Variants in CCDC3 observed in about 807,000 individuals in gnomAD.
CCDC3 encodes coiled-coil domain containing 3.
Under a neutral mutation model 21.4 loss-of-function variants are expected in CCDC3, and 24 were observed. The ratio of observed to expected loss-of-function variants is 1.12; its 90% CI spans 0.81 to 1.58. CCDC3 has a LOEUF of 1.58. Among genes scored for constraint, CCDC3 ranks in the 40% most tolerant of loss-of-function variants. The pLI is 0.00. For synonymous variants in CCDC3, 186 were observed against 166.0 expected (o/e 1.12, Z -0.93); for missense variants, 425 against 360.9 (o/e 1.18, Z -1.44).
At chr10:13,064,608 C>G (rs1423983797) in intron 4 of CCDC3, among the ~76,000 whole-genome samples, 1 of 152,008 alleles carries the variant, frequency 6.6e-6, no homozygotes, top group Non-Finnish European at 1.5e-5. Flanking sequence ...CATGATGAAA[C>G]CCCATCTCTA....
chr10:12,974,930 G>A (rs890547776), intron 2 of CCDC3, among the ~76,000 whole-genome samples: 1 of 152,148 alleles, frequency 6.6e-6, no homozygotes. Context: ...ACAGTACCTG[G>A]TGTTTTCTAC....
At chr10:13,068,129 A>G (rs2131437835) in intron 4 of CCDC3, among the ~76,000 whole-genome samples, 1 of 152,208 alleles carries the variant, frequency 6.6e-6, no homozygotes, top group South Asian at 2.1e-4. Flanking sequence ...TTCTCATGGA[A>G]CCCCGGGAAT....
intron 2 of CCDC3, among the ~76,000 whole-genome samples, chr10:12,925,944 C>T (rs182899944): frequency 2.6e-4 from 39 of 152,310 alleles, no homozygotes; most frequent in South Asian, 4.2e-4. Flanking sequence ...TGGCACAGGC[C>T]CTGGGAGGCT....
intron 2 of CCDC3, among the ~76,000 whole-genome samples, chr10:12,913,987 G>A (rs190040762): frequency 6.6e-6 from 1 of 152,118 alleles, no homozygotes; most frequent in Non-Finnish European, 1.5e-5. Flanking sequence ...CAGTTTACTA[G>A]TATTTTCTTG....
intron 2 of CCDC3, among the ~76,000 whole-genome samples, chr10:12,916,549 G>C (rs975537248): frequency 1.3e-5 from 2 of 150,692 alleles, no homozygotes; most frequent in African/African-American, 2.5e-5. Flanking sequence ...GAACCTGGGA[G>C]GCAGAGGTTG....
At chr10:13,033,808 G>C (rs1269407129) in intron 5 of CCDC3, among the ~76,000 whole-genome samples, 2 of 152,196 alleles carry the variant, frequency 1.3e-5, no homozygotes, top group East Asian at 1.9e-4. Context: ...TCTCACACCA[G>C]TTAGAATGGC....
rs1454060587 is a variant in CCDC3, at chr10:12,917,193, T to C, written c.550-18514A>G. Reference sequence around the variant, plus strand: ...TTATTTCTTCTTCTTTTTTTTTTTTTTTTTTTTTTTTTTTTTTTTTGAGAC... The same window carrying C: ...TTATTTCTTCTTCTTTTTTTTTTTTCTTTTTTTTTTTTTTTTTTTTGAGAC... On this transcript the variant is annotated intron_variant, in intron 2 of 2. Transcript: ENST00000378825. Among the ~76,000 whole-genome samples, 862 of 124,356 alleles carry C rather than the reference T, an allele frequency of 6.9e-3. 30 individuals are homozygous for C. Among genetic ancestry groups the C allele is most frequent in the East Asian group, 0.029 (122 of 4,218 alleles). 81.6% of individuals were successfully genotyped at this position (124,356 alleles called of 152,430 possible). A position where few individuals can be genotyped will look rare whatever the true frequency, so the allele number is the denominator to read the frequency against.
chr10:13,078,790 C>T (rs1836996918), intron 3 of CCDC3, among the ~76,000 whole-genome samples: 1 of 147,358 alleles, frequency 6.8e-6, no homozygotes, highest in Non-Finnish European at 1.5e-5. Context: ...TGTTCTCACT[C>T]ATAGGTGGGA....
intron 2 of CCDC3, among the ~76,000 whole-genome samples, chr10:12,977,866 T>C (rs1835439094): frequency 6.6e-6 from 1 of 152,176 alleles, no homozygotes; most frequent in African/African-American, 2.4e-5. Flanking sequence ...AAGACATCCC[T>C]GGGATCCACA....
intron 2 of CCDC3, among the ~76,000 whole-genome samples, chr10:12,903,442 C>A (rs75350309): frequency 1.3e-5 from 2 of 152,204 alleles, no homozygotes; most frequent in African/African-American, 4.8e-5. Context: ...GGTCCAGATA[C>A]GCTATTTGCT....
At chr10:13,002,507 A>C (rs190216423), upstream of CCDC3, among the ~76,000 whole-genome samples, 15 of 152,240 alleles carry the variant, frequency 9.9e-5, no homozygotes, top group East Asian at 2.5e-3. Flanking sequence ...CTCCCAGGTC[A>C]GTCTCCCAAG....
At chr10:12,956,824 C>T (rs1188684643) in intron 2 of CCDC3, among the ~76,000 whole-genome samples, 4 of 152,266 alleles carry the variant, frequency 2.6e-5, no homozygotes, top group African/African-American at 9.6e-5. Flanking sequence ...ATCCTAGCAG[C>T]CTCAGGTCAT....
chr10:12,945,602 C>T (rs1564293892), intron 2 of CCDC3, among the ~76,000 whole-genome samples: 1 of 152,138 alleles, frequency 6.6e-6, no homozygotes, highest in African/African-American at 2.4e-5. Flanking sequence ...ATGTGGTCCT[C>T]TGTGTTAAAA....
intron 2 of CCDC3, among the ~76,000 whole-genome samples, chr10:12,922,693 T>A (rs967352832): frequency 3.3e-5 from 5 of 151,950 alleles, no homozygotes; most frequent in Non-Finnish European, 7.4e-5. Context: ...GAACCCAGGA[T>A]GTTTATGTTT....
At chr10:12,919,527 T>G (rs1589005119) in intron 2 of CCDC3, among the ~76,000 whole-genome samples, 1 of 151,204 alleles carries the variant, frequency 6.6e-6, no homozygotes, top group Non-Finnish European at 1.5e-5. Context: ...GAGGCAGGGT[T>G]TGCAGTGAGC....
chr10:12,997,055 G>A (rs1224932037), intron 2 of CCDC3, among the ~76,000 whole-genome samples: 1 of 151,890 alleles, frequency 6.6e-6, no homozygotes, highest in Non-Finnish European at 1.5e-5. Flanking sequence ...ACCTACACAC[G>A]TACCCCCTGA....
At chr10:12,945,058 A>G (rs967496863) in intron 2 of CCDC3, among the ~76,000 whole-genome samples, 1 of 152,218 alleles carries the variant, frequency 6.6e-6, no homozygotes, top group African/African-American at 2.4e-5. Flanking sequence ...ATTAGAGACT[A>G]AAGATAGCTG....
chr10:13,028,680 C>A (rs967819287), intron 5 of CCDC3, among the ~76,000 whole-genome samples: 1 of 152,044 alleles, frequency 6.6e-6, no homozygotes, highest in Non-Finnish European at 1.5e-5. Flanking sequence ...GTCCCTTTGC[C>A]CCACACGCCA....
In CCDC3 at chr10:13,045,369, G is replaced by A. The variant is rs189856001; in HGVS notation, c.-2+4305C>T. Among the ~76,000 whole-genome samples, 65 of 152,196 alleles carry A rather than the reference G, an allele frequency of 4.3e-4. No homozygotes were observed. In the South Asian group the frequency reaches 0.012, roughly 28 times the overall value. On this transcript the variant is annotated intron_variant, in intron 5 of 6. Coordinates refer to the CCDC3 transcript ENST00000378839. Reference sequence around the variant, plus strand: ...TTTTAAGAAATTATTGGCTGGGCGCGGTGGCTCATGCCTGTAATCGCAGCA... The same window carrying A: ...TTTTAAGAAATTATTGGCTGGGCGCAGTGGCTCATGCCTGTAATCGCAGCA...
Sources: allele counts gnomAD v4.1 joint callset (sites outside exome capture counted in the v4.1 genomes callset), GRCh38; gene constraint gnomAD v4.1.1; transcripts MANE v1.5; gene names NCBI Gene and HGNC (gene_info 2026-07-23, HGNC 2026-07-21).